Variants in PTCH1 observed in about 807,000 individuals in gnomAD.
The protein encoded by PTCH1 is patched 1, also known as protein patched homolog 1.
PTCH1 carries 14 observed loss-of-function variants against 144.6 expected under a neutral mutation model. The ratio of observed to expected loss-of-function variants is 0.10; its 90% CI spans 0.06 to 0.15. The LOEUF (loss-of-function observed/expected upper bound fraction) is 0.15, where lower values mean the gene tolerates loss of function less well. Among genes scored for constraint, PTCH1 ranks in the 10% least tolerant of loss-of-function variants. The pLI, the probability that PTCH1 is intolerant of heterozygous loss-of-function variation, is 1.00. For missense variants in PTCH1, 1,623 were observed against 1,948.3 expected, an observed-to-expected ratio of 0.83 and a Z score of 3.14; for synonymous variants, 833 against 793.6, an observed-to-expected ratio of 1.05 and a Z score of -0.83.
intron 1 of PTCH1, chr9:95,507,629 A>G (rs1843796565): frequency 3.9e-6 from 1 of 259,332 alleles, no homozygotes; most frequent in South Asian, 1.4e-4. Flanking sequence ...TGCTCAACAA[A>G]ACCAAAACTG....
At chr9:95,446,774 T>A in intron 23 of PTCH1, 137 bp downstream of exon 23, 2 of 1,156,982 alleles carry the variant, frequency 1.7e-6, no homozygotes, top group South Asian at 2.6e-5. Flanking sequence ...GCTCTGGGGA[T>A]AAAAGGTCAC....
intron 3 of PTCH1, chr9:95,483,539 T>A (rs1238931177): frequency 2.0e-5 from 3 of 152,336 alleles, no homozygotes; most frequent in Non-Finnish European, 4.4e-5. Context: ...TGCCTTCCTG[T>A]CTCTCAGCGC....
chr9:95,476,955 C>T lies in PTCH1; in HGVS notation c.1504-98G>A. 1.7e-6 allele frequency: 2 copies of T among 1,145,802 alleles called. No individual in the cohort carries two copies. The highest frequency in any genetic ancestry group is 2.6e-5 in the South Asian group (2 of 76,266). The allele number at this position is 1,145,802 out of a possible 1,614,324, so 71.0% of individuals were successfully genotyped here. On this transcript the variant is annotated intron_variant, in intron 10 of 23. Transcript: ENST00000331920. This position sits in a 1 kb window ranked among gnomAD's most constrained non-coding sequence, Gnocchi z 4.6. ...ACTCTGCCACCAGCACCTAACAGCT[C>T]CTGAAGCAGGGCTTCCGTAACCTCA...
At position 95,508,425 on chromosome 9, in the gene PTCH1, G is replaced by A; in HGVS notation, c.-64C>T. 9.5e-7 allele frequency: 1 copy of A among 1,048,392 alleles called. No homozygotes were observed. Among genetic ancestry groups the A allele is most frequent in the Non-Finnish European group, 1.1e-6 (1 of 872,734 alleles). The allele number at this position is 1,048,392 out of a possible 1,614,324, so 64.9% of individuals were successfully genotyped here. On this transcript the variant is annotated 5_prime_UTR_variant, in exon 1 of 24. An upstream open reading frame in the 5' UTR gains an earlier in-frame stop. Transcript: ENST00000331920. ...TTCCCGGGCGGCCCGGCGCGCTGCT[G>A]CCGCTGCTGCGGGCTCCTGGCGCGC... is the stretch of plus-strand genomic sequence containing the variant.
intron 10 of PTCH1, among the ~76,000 whole-genome samples, chr9:95,477,159 T>C (rs764785741): frequency 3.0e-4 from 45 of 152,226 alleles, no homozygotes; most frequent in Non-Finnish European, 4.9e-4. Flanking sequence ...TCACTGGGAA[T>C]TGCCCTGAAG....
chr9:95,516,510 T>C, exon 1 of PTCH1: 1 of 1,538,364 alleles, frequency 6.5e-7, no homozygotes. Context: ...CGGGTGCCGA[T>C]GGCGCGGACG....
At chr9:95,494,410 C>A (rs1321960551) in intron 2 of PTCH1, 7 of 985,410 alleles carry the variant, frequency 7.1e-6, no homozygotes, top group African/African-American at 1.7e-5. Flanking sequence ...TCATTGGTTA[C>A]TTGCCACACT....
chr9:95,494,951 T>G (rs962057745), intron 2 of PTCH1: 1 of 152,260 alleles, frequency 6.6e-6, no homozygotes, highest in Admixed American at 6.5e-5. Flanking sequence ...TTATCCAGCC[T>G]GGGCCTCTCT....
Position 95,508,179 on chromosome 9 carries a change from A to G in PTCH1, c.183T>C (p.Ala61=), listed in dbSNP as rs2118906517. The G allele has an allele frequency of 6.2e-7, 1 of 1,612,686 alleles. No homozygotes were observed. The highest frequency in any genetic ancestry group is 8.5e-7 in the Non-Finnish European group (1 of 1,179,736). The change falls in exon 1 of 24, where the codon GCT becomes GCC. Residue 61 remains alanine (A), a synonymous_variant. Transcript: ENST00000331920. ...HRPSYCDAAF[A]LEQISKGKAT... is the part of the protein sequence containing the mutation. Reference sequence around the variant, plus strand: ...AATGCACCTTGGAAATCTGCTCCAGAGCGAAGGCGGCGTCGCAGTAGCTGG... The same window carrying G: ...AATGCACCTTGGAAATCTGCTCCAGGGCGAAGGCGGCGTCGCAGTAGCTGG...
chr9:95,516,003 G>A (rs989690104), intron 1 of PTCH1, among the ~76,000 whole-genome samples: 3 of 151,892 alleles, frequency 2.0e-5, no homozygotes, highest in African/African-American at 7.3e-5. Flanking sequence ...CCCTCCCCTC[G>A]GCGCTGTCAC....
Position 95,444,488 on chromosome 9 carries a change from GACACACACACACGCACGCACGC to G in PTCH1, c.*1883_*1904del, listed in dbSNP as rs949019727. 8.5e-5 allele frequency: 13 copies of G among 152,160 alleles called. No homozygotes were observed. Among genetic ancestry groups the G allele is most frequent in the Admixed American group, 2.0e-4 (3 of 15,214 alleles). The allele number at this position is 152,160 out of a possible 1,614,324, so 9.4% of individuals were successfully genotyped here. On this transcript the variant is annotated 3_prime_UTR_variant, in exon 24 of 24. Transcript: ENST00000331920. ...GGGGGTGGCCAGGGTCCCCAGCAGA[GACACACACACACGCACGCACGC>G]ACACACACACACACACACCCAGCAG...
At chr9:95,513,114 C>T (rs1844229832), upstream of PTCH1, among the ~76,000 whole-genome samples, 1 of 152,162 alleles carries the variant, frequency 6.6e-6, no homozygotes, top group South Asian at 2.1e-4. Flanking sequence ...TCAGATTATC[C>T]AAATGATGAC....
At position 95,467,212 on chromosome 9, in the gene PTCH1, G is replaced by A. The variant is rs2117955897; in HGVS notation, c.2464C>T (p.Leu822=). Residue 822 remains leucine, a synonymous_variant, in exon 15 of 24, where the codon CTA becomes TTA. Transcript: ENST00000331920. The part of the protein sequence containing the change: ...YPNIQHLLYD[L]HRSFSNVKYV... ...TTCACGTTACTGAAACTCCTGTGTAGGTCGTAAAGTAAGTGCTGGATATTC... is the reference window on the plus strand; with the variant it reads ...TTCACGTTACTGAAACTCCTGTGTAAGTCGTAAAGTAAGTGCTGGATATTC... The A allele has an allele frequency of 6.2e-7, 1 of 1,614,190 alleles. No homozygotes were observed. The highest frequency in any genetic ancestry group is 8.5e-7 in the Non-Finnish European group (1 of 1,180,020).
chr9:95,508,284 C>A lies in PTCH1; in HGVS notation c.78G>T (p.Arg26=), dbSNP rs771122826. The A allele has an allele frequency of 6.5e-7, 1 of 1,547,400 alleles. No homozygotes were observed. The highest frequency in any genetic ancestry group is 8.7e-7 in the Non-Finnish European group (1 of 1,149,864). Residue 26 remains arginine, a synonymous_variant, in exon 1 of 24, where the codon CGG becomes CGT. Transcript: ENST00000331920. ...GGSGCIGAPG[R]PAGGGRRRRT... ...GTCTGCGCCTCCCGCCTCCAGCCGGCCGTCCCGGGGCACCGATACAGCCGC... is the reference window on the plus strand; with the variant it reads ...GTCTGCGCCTCCCGCCTCCAGCCGGACGTCCCGGGGCACCGATACAGCCGC...
intron 2 of PTCH1, among the ~76,000 whole-genome samples, chr9:95,491,178 T>C (rs962518573): frequency 3.3e-5 from 5 of 152,176 alleles, no homozygotes; most frequent in African/African-American, 4.8e-5. Flanking sequence ...TGCTTTCCAT[T>C]TGCAAAGCCC....
At chr9:95,446,627 A>G in intron 23 of PTCH1, 1 of 543,028 alleles carries the variant, frequency 1.8e-6, no homozygotes, top group South Asian at 2.0e-5. Flanking sequence ...AAAGACTGGC[A>G]AATATTGGTA....
chr9:95,506,661 C>G, intron 1 of PTCH1, 62 bp from the exon 2 acceptor site: 3 of 1,452,630 alleles, frequency 2.1e-6, no homozygotes, highest in Non-Finnish European at 2.7e-6. Flanking sequence ...CGCCCACGCC[C>G]GCTTGCGCGC....
intron 5 of PTCH1, 90 bp downstream of exon 5, chr9:95,481,859 A>T: frequency 8.2e-7 from 1 of 1,222,040 alleles, no homozygotes; most frequent in Middle Eastern, 1.9e-4. Flanking sequence ...CTTGTTCAAA[A>T]CTGAAATGGA....
intron 19 of PTCH1, among the ~76,000 whole-genome samples, chr9:95,453,948 G>GT (rs1338491070): frequency 1.3e-5 from 2 of 152,030 alleles, no homozygotes; most frequent in Non-Finnish European, 2.9e-5. Context: ...CCACTCACAC[G>GT]TGAGACCTCC....
Sources: allele counts gnomAD v4.1 joint callset (sites outside exome capture counted in the v4.1 genomes callset), GRCh38; gene constraint gnomAD v4.1.1; non-coding constraint Gnocchi (gnomAD v3.1); transcripts MANE v1.5; gene names NCBI Gene and HGNC (gene_info 2026-07-23, HGNC 2026-07-21).